The following MYRFL variants were observed in gnomAD, a reference collection of about 807,000 sequenced individuals.
MYRFL encodes myelin regulatory factor like.
MYRFL carries 88 observed loss-of-function variants against 109.4 expected under a neutral mutation model. The observed-to-expected ratio is 0.80, with a 90% CI of 0.68 to 0.96. The LOEUF (loss-of-function observed/expected upper bound fraction) is 0.96, where lower values mean the gene tolerates loss of function less well. Ranked by LOEUF, MYRFL falls within the 40% of genes least tolerant of loss-of-function variation. The pLI, the probability that MYRFL is intolerant of heterozygous loss-of-function variation, is 0.00. For missense variants in MYRFL, 957 were observed against 954.9 expected, an observed-to-expected ratio of 1.00 and a Z score of -0.03; for synonymous variants, 324 against 320.9, an observed-to-expected ratio of 1.01 and a Z score of -0.10.
chr12:69,946,000 A>G, intron 19 of MYRFL, among the ~76,000 whole-genome samples: 1 of 147,058 alleles, frequency 6.8e-6, no homozygotes, highest in African/African-American at 2.5e-5. Flanking sequence ...AAAAAAAAAA[A>G]AAAAAAAAAA....
intron 5 of MYRFL, among the ~76,000 whole-genome samples, chr12:69,881,860 G>A (rs1316048881): frequency 3.3e-5 from 5 of 151,966 alleles, no homozygotes; most frequent in Admixed American, 6.6e-5. Flanking sequence ...ATTTCTTCAG[G>A]GATCCCCACA....
chr12:69,872,073 T>A (rs745759668), intron 2 of MYRFL, among the ~76,000 whole-genome samples: 11,593 of 152,220 alleles, frequency 0.076, 622 homozygotes, highest in Non-Finnish European at 0.11. Flanking sequence ...ACTCTGTTAT[T>A]AAGTACATAA....
chr12:69,854,310 G>A (rs1046475430), intron 1 of MYRFL, among the ~76,000 whole-genome samples: 2 of 151,462 alleles, frequency 1.3e-5, no homozygotes, highest in African/African-American at 2.4e-5. Context: ...GTCCAGCCTC[G>A]GCTGGGCATC....
intron 1 of MYRFL, 28 bp downstream of exon 1, chr12:69,825,591 T>C: frequency 1.4e-6 from 1 of 698,232 alleles, no homozygotes; most frequent in Non-Finnish European, 2.6e-6. Context: ...AGCATGAATT[T>C]GCTGCTTCTG....
intron 1 of MYRFL, among the ~76,000 whole-genome samples, chr12:69,841,135 G>A (rs1420020938): frequency 1.3e-5 from 2 of 152,144 alleles, no homozygotes; most frequent in South Asian, 2.1e-4. Context: ...AGGTTGTTAG[G>A]TGGAGTTTTT....
chr12:69,833,049 C>T (rs57851220), intron 1 of MYRFL, among the ~76,000 whole-genome samples: 2,209 of 150,840 alleles, frequency 0.015, 51 homozygotes, highest in African/African-American at 0.051. Context: ...CAAGTGGAAG[C>T]GATGAGGAGG....
At chr12:69,957,735 A>C in intron 22 of MYRFL, 87 bp from the exon 23 acceptor site, 1 of 1,421,078 alleles carries the variant, frequency 7.0e-7, no homozygotes. Flanking sequence ...TTACGTTCCC[A>C]TTAGATCCTC....
At chr12:69,926,814 GT>G (rs1955100517) in intron 14 of MYRFL, 80 bp downstream of exon 14, 1 of 1,211,482 alleles carries the variant, frequency 8.3e-7, no homozygotes, top group African/African-American at 1.5e-5. Context: ...AATCTAAATG[GT>G]CTTTTTGATC....
Position 69,853,278 on chromosome 12 carries a change from C to T in MYRFL, c.47-2002C>T, listed in dbSNP as rs1458261590. On this transcript the variant is annotated intron_variant, in intron 1 of 24. Coordinates refer to ENST00000552032, the MANE Select transcript of MYRFL (RefSeq NM_182530.3). Reference sequence around the variant, plus strand: ...CAGGGGCTGCCCCCCATCTCCTGGACAGGGCGGCTGCCGGGCAGAGACGCT... The same window carrying T: ...CAGGGGCTGCCCCCCATCTCCTGGATAGGGCGGCTGCCGGGCAGAGACGCT... 2.0e-5 allele frequency among the ~76,000 whole-genome samples: 3 copies of T among 151,730 alleles called. No individual in the cohort carries two copies. The East Asian group carries it at 5.9e-4, about 30-fold the overall frequency.
chr12:69,847,904 G>A (rs1009460552), intron 1 of MYRFL, among the ~76,000 whole-genome samples: 1 of 151,994 alleles, frequency 6.6e-6, no homozygotes, highest in African/African-American at 2.4e-5. Flanking sequence ...CTTTTTTTCT[G>A]TATATTTTTT....
intron 1 of MYRFL, among the ~76,000 whole-genome samples, chr12:69,826,368 G>T (rs1043348355): frequency 2.0e-5 from 3 of 152,064 alleles, no homozygotes; most frequent in Non-Finnish European, 4.4e-5. Context: ...CACATGGTAG[G>T]CACACTAGTG....
At chr12:69,904,078 G>A in intron 11 of MYRFL, 1 of 430,536 alleles carries the variant, frequency 2.3e-6, no homozygotes, top group Non-Finnish European at 4.1e-6. Flanking sequence ...GGCAAAGACA[G>A]CATGTCATTG....
intron 1 of MYRFL, among the ~76,000 whole-genome samples, chr12:69,845,607 T>A (rs1270115616): frequency 1.3e-5 from 2 of 152,158 alleles, no homozygotes; most frequent in Non-Finnish European, 2.9e-5. Flanking sequence ...ATTCTTTTTA[T>A]GAAGCCAGCA....
At chr12:69,907,328 A>G (rs935654457) in intron 11 of MYRFL, among the ~76,000 whole-genome samples, 1 of 152,220 alleles carries the variant, frequency 6.6e-6, no homozygotes, top group East Asian at 1.9e-4. Flanking sequence ...TATGTCTAGC[A>G]GTATGTCTTG....
At chr12:69,875,719 C>A (rs1365469925) in intron 2 of MYRFL, among the ~76,000 whole-genome samples, 1 of 152,116 alleles carries the variant, frequency 6.6e-6, no homozygotes, top group Non-Finnish European at 1.5e-5. Flanking sequence ...ATTGCATGTG[C>A]CTTATGAAAA....
rs151020597 is a variant in MYRFL, at chr12:69,834,078, C to G, written c.46+8515C>G. Among the ~76,000 whole-genome samples, 23 of 152,174 alleles carry G rather than the reference C, an allele frequency of 1.5e-4. No homozygotes were observed. In the East Asian group the frequency reaches 2.9e-3, roughly 19 times the overall value. ...ACCATCACTGTTCTTTAGTCCTGCTCTGTGCATAACAAAAATATACAGAGG... is the reference window on the plus strand; with the variant it reads ...ACCATCACTGTTCTTTAGTCCTGCTGTGTGCATAACAAAAATATACAGAGG... On this transcript the variant is annotated intron_variant, in intron 1 of 24. Coordinates refer to ENST00000552032, the MANE Select transcript of MYRFL (RefSeq NM_182530.3).
At position 69,909,963 on chromosome 12, in the gene MYRFL, A is replaced by T. The variant is rs1783934440; in HGVS notation, c.1384-6A>T. 2 of 1,519,276 alleles carry T rather than the reference A, an allele frequency of 1.3e-6. No individual in the cohort carries two copies. The highest frequency in any genetic ancestry group is 2.5e-5 in the South Asian group (2 of 80,858). 94.1% of individuals were successfully genotyped at this position (1,519,276 alleles called of 1,614,324 possible). A position where few individuals can be genotyped will look rare whatever the true frequency, so the allele number is the denominator to read the frequency against. The stretch of plus-strand genomic sequence containing the variant: ...AGTAAAATCTGCTCTTCTTTAATTA[A>T]ATTAGGTTGACACGAATGAACAGCT... On this transcript the variant is annotated splice_region_variant and splice_polypyrimidine_tract_variant and intron_variant, in intron 11 of 24. Coordinates refer to ENST00000552032, the MANE Select transcript of MYRFL (RefSeq NM_182530.3).
At chr12:69,864,334 T>C (rs899275327) in intron 2 of MYRFL, among the ~76,000 whole-genome samples, 1 of 152,174 alleles carries the variant, frequency 6.6e-6, no homozygotes, top group Non-Finnish European at 1.5e-5. Context: ...AGTTCATTTT[T>C]TTTTCAATCT....
intron 19 of MYRFL, among the ~76,000 whole-genome samples, chr12:69,947,532 G>A (rs1187612991): frequency 6.6e-6 from 1 of 152,152 alleles, no homozygotes; most frequent in Non-Finnish European, 1.5e-5. Context: ...CCATCTGAAT[G>A]TGATGAATTA....
Sources: gnomAD v4.1 joint callset for allele counts (sites outside exome capture counted in the v4.1 genomes callset) on GRCh38, gnomAD v4.1.1 for gene constraint, MANE v1.5 for transcripts, NCBI Gene and HGNC (gene_info 2026-07-23, HGNC 2026-07-21) for gene names.